MCAT: variants seen among roughly 807,000 people sequenced by gnomAD.
MCAT encodes malonyl-CoA-acyl carrier protein transacylase, also known as malonyl-CoA-acyl carrier protein transacylase, mitochondrial.
In MCAT, 22 loss-of-function variants were observed where a neutral mutation model predicts 22.9. That is an observed-to-expected ratio of 0.96 (90% CI 0.69 to 1.37). MCAT has a LOEUF of 1.37. Ranked by LOEUF, MCAT falls within the 40% of genes most tolerant of loss-of-function variation. The pLI is 0.00. For missense variants in MCAT, 534 were observed against 533.6 expected (o/e 1.00, Z -0.01); for synonymous variants, 240 against 233.9 (o/e 1.03, Z -0.24).
chr22:43,136,077 T>C lies in MCAT; in HGVS notation c.729+1004A>G, dbSNP rs142348197. ...GGGCAACACGGTGAAACCCCGTCTC[T>C]ACAAAAAAATACAAAAGTTAGCCAG... On this transcript the variant is annotated intron_variant, in intron 3 of 3. Transcript: ENST00000290429. 2.9e-3 allele frequency among the ~76,000 whole-genome samples: 437 copies of C among 152,126 alleles called. 6 individuals are homozygous for C. Among genetic ancestry groups the C allele is most frequent in the African/African-American group, 0.01 (422 of 41,498 alleles).
chr22:43,133,757 T>A (rs1273385109), intron 3 of MCAT, among the ~76,000 whole-genome samples: 1 of 152,020 alleles, frequency 6.6e-6, no homozygotes, highest in African/African-American at 2.4e-5. Flanking sequence ...CAACAGTGTC[T>A]GGTAGAGGAA....
chr22:43,134,266 G>T (rs1332559522), intron 3 of MCAT, among the ~76,000 whole-genome samples: 1 of 152,188 alleles, frequency 6.6e-6, no homozygotes, highest in Non-Finnish European at 1.5e-5. Flanking sequence ...CTCCCCTGAA[G>T]GCATTTGAGC....
intron 1 of MCAT, 72 bp from the exon 2 acceptor site, chr22:43,141,321 A>T: frequency 7.5e-7 from 1 of 1,329,430 alleles, no homozygotes; most frequent in Non-Finnish European, 1.1e-6. Flanking sequence ...TGTACCTGAG[A>T]GCTGGCGGGG....
At position 43,132,690 on chromosome 22, in the gene MCAT, A is replaced by T. The variant is rs1348717749; in HGVS notation, c.*353T>A. 2 of 243,094 alleles carry T rather than the reference A, an allele frequency of 8.2e-6. No homozygotes were observed. The highest frequency in any genetic ancestry group is 2.2e-5 in the African/African-American group (1 of 45,224). 15.1% of individuals were successfully genotyped at this position (243,094 alleles called of 1,614,324 possible). A position where few individuals can be genotyped will look rare whatever the true frequency, so the allele number is the denominator to read the frequency against. ...CCACACCAGCATGTTCTCAGCACTC[A>T]CAGAGCAGGACAGGCTGCAGCAGCC... On this transcript the variant is annotated 3_prime_UTR_variant, in exon 4 of 4. Transcript: ENST00000290429.
At position 43,137,113 on chromosome 22, in the gene MCAT, G is replaced by A. The variant is rs1930635455; in HGVS notation, c.697C>T (p.Pro233Ser). The A allele has an allele frequency of 2.5e-5, 41 of 1,614,060 alleles. No individual in the cohort carries two copies. Among genetic ancestry groups the A allele is most frequent in the Non-Finnish European group, 3.4e-5 (40 of 1,180,036 alleles). The part of the protein sequence containing the change: ...PVCEVSNYLF[P>S]DCRVISGHQE... Reference sequence around the variant, plus strand: ...TGTCCTGAAATCACCCTGCAATCTGGAAAGAGGTAGTTGGACACTTCACAT... The same window carrying A: ...TGTCCTGAAATCACCCTGCAATCTGAAAAGAGGTAGTTGGACACTTCACAT... Residue 233 changes from proline (P) to serine (S), a missense_variant, in exon 3 of 4, where the codon CCA becomes TCA. Transcript: ENST00000290429.
chr22:43,143,267 G>A lies in MCAT; in HGVS notation c.82C>T (p.Pro28Ser). 6.9e-7 allele frequency: 1 copy of A among 1,441,658 alleles called. No individual in the cohort carries two copies. Among genetic ancestry groups the A allele is most frequent in the Non-Finnish European group, 9.0e-7 (1 of 1,107,822 alleles). The allele number at this position is 1,441,658 out of a possible 1,614,324, so 89.3% of individuals were successfully genotyped here. ...GCTACACCCTGGGCGCCCGGCGGAG[G>A]CACCGGGAAGCTCGAGGCGCCGCGG... ...YRRGASSFPV[P>S]PPGAQGVAEL... is the part of the protein sequence containing the mutation. Residue 28 changes from proline (P) to serine (S), a missense_variant, in exon 1 of 4, where the codon CCT becomes TCT. Coordinates refer to ENST00000290429, the MANE Select transcript of MCAT (RefSeq NM_173467.5).
chr22:43,132,777 G>T lies in MCAT; in HGVS notation c.*266C>A. 1 of 484,266 alleles carries T rather than the reference G, an allele frequency of 2.1e-6. No homozygotes were observed. The highest frequency in any genetic ancestry group is 3.8e-6 in the Non-Finnish European group (1 of 266,270). The allele number at this position is 484,266 out of a possible 1,614,324, so 30.0% of individuals were successfully genotyped here. On this transcript the variant is annotated 3_prime_UTR_variant, in exon 4 of 4. Transcript: ENST00000290429. ...ATGGTGCAGGGCTGGCAGAGGCGGG[G>T]CCAGGATTCTAGCTTCCCCACACAC...
At chr22:43,141,365 C>T in intron 1 of MCAT, 116 bp from the exon 2 acceptor site, 1 of 800,574 alleles carries the variant, frequency 1.2e-6, no homozygotes, top group Non-Finnish European at 2.1e-6. Context: ...GTTCTACGAA[C>T]TTGGTGCACC....
rs1930837554 is a variant in MCAT, at chr22:43,143,272, G to C, written c.77C>G (p.Pro26Arg). The change falls in exon 1 of 4, where the codon CCG becomes CGG. Residue 26 changes from proline (P) to arginine (R), a missense_variant. Transcript: ENST00000290429. ...ACCCTGGGCGCCCGGCGGAGGCACC[G>C]GGAAGCTCGAGGCGCCGCGGCGGTA... ...ASYRRGASSFPVPPPGAQGVA... is the reference protein window; with the variant it reads ...ASYRRGASSFRVPPPGAQGVA... The C allele has an allele frequency of 2.1e-6, 3 of 1,440,532 alleles. No homozygotes were observed. The highest frequency in any genetic ancestry group is 1.5e-5 in the African/African-American group (1 of 66,750). The allele number at this position is 1,440,532 out of a possible 1,614,324, so 89.2% of individuals were successfully genotyped here.
At chr22:43,134,904 G>A (rs1930559279) in intron 3 of MCAT, among the ~76,000 whole-genome samples, 1 of 152,248 alleles carries the variant, frequency 6.6e-6, no homozygotes, top group Non-Finnish European at 1.5e-5. Context: ...CTGAGTGACT[G>A]GCAGGTATGG....
chr22:43,141,376 A>T, intron 1 of MCAT, 127 bp from the exon 2 acceptor site: 1 of 737,260 alleles, frequency 1.4e-6, no homozygotes, highest in South Asian at 1.5e-5. Context: ...TTGGTGCACC[A>T]GCTGGAAGAG....
intron 3 of MCAT, among the ~76,000 whole-genome samples, chr22:43,134,593 G>C (rs572232761): frequency 1.3e-5 from 2 of 152,310 alleles, no homozygotes; most frequent in South Asian, 4.1e-4. Flanking sequence ...ACCTGCTTTA[G>C]TCTGTCAGTG....
intron 2 of MCAT, among the ~76,000 whole-genome samples, chr22:43,139,542 A>G (rs187876979): frequency 1.8e-4 from 27 of 151,930 alleles, no homozygotes; most frequent in Non-Finnish European, 3.7e-4. Context: ...GAAAAAGAAA[A>G]AGAAAACACA....
At position 43,133,282 on chromosome 22, in the gene MCAT, T is replaced by G; in HGVS notation, c.934A>C (p.Ile312Leu). The G allele has an allele frequency of 6.2e-7, 1 of 1,614,220 alleles. No individual in the cohort carries two copies. The change falls in exon 4 of 4, where the codon ATC (isoleucine) becomes CTC (leucine). Residue 312 changes from isoleucine to leucine, a missense_variant. Coordinates refer to ENST00000290429, the MANE Select transcript of MCAT (RefSeq NM_173467.5). ...AGCTGCTGGGCCAGCAGCTTGTGGA[T>G]GTGCCCGGGATGCCTGTATCTATGC... Reference protein sequence around the residue: ...HAHRYRHPGHIHKLLAQQLVS... With the variant: ...HAHRYRHPGHLHKLLAQQLVS...
Position 43,133,207 on chromosome 22 carries a change from T to C in MCAT, c.1009A>G (p.Lys337Glu). 1.2e-6 allele frequency: 2 copies of C among 1,614,212 alleles called. No homozygotes were observed. The highest frequency in any genetic ancestry group is 2.2e-5 in the South Asian group (2 of 91,090). ...EQTMHAIYER[K>E]KGRGFPQTFE... ...GTTTGGGGGAACCCCCTGCCCTTTT[T>C]CCTTTCGTATATGGCATGCATCGTC... Residue 337 changes from lysine (K) to glutamate (E), a missense_variant, in exon 4 of 4, where the codon AAA (lysine) becomes GAA (glutamate). Coordinates refer to ENST00000290429, the MANE Select transcript of MCAT (RefSeq NM_173467.5).
chr22:43,143,103 G>C lies in MCAT; in HGVS notation c.246C>G (p.Leu82=). The stretch of plus-strand genomic sequence containing the variant: ...AGAGTTCGCGGACGCGCGGGTAGTT[G>C]AGCAGACCGCGGCCCATGCCCACCA... ...SQVVGMGRGL[L]NYPRVRELYA... Residue 82 remains leucine (L), a synonymous_variant, in exon 1 of 4, where the codon CTC becomes CTG. Coordinates refer to ENST00000290429, the MANE Select transcript of MCAT (RefSeq NM_173467.5). 11 of 1,604,858 alleles carry C rather than the reference G, an allele frequency of 6.9e-6. No individual in the cohort carries two copies. The highest frequency in any genetic ancestry group is 9.3e-6 in the Non-Finnish European group (11 of 1,178,708).
At chr22:43,140,346 GTGTA>G (rs1433406222) in intron 2 of MCAT, among the ~76,000 whole-genome samples, 1 of 151,926 alleles carries the variant, frequency 6.6e-6, no homozygotes, top group Admixed American at 6.6e-5. Context: ...AGCTAATTTT[GTGTA>G]TGTGTGTGTG....
intron 1 of MCAT, among the ~76,000 whole-genome samples, chr22:43,141,991 C>T (rs998776046): frequency 3.9e-5 from 6 of 152,230 alleles, no homozygotes; most frequent in African/African-American, 1.4e-4. Context: ...CAGACCCAGA[C>T]TAGGGTAAGC....
chr22:43,137,090 T>C lies in MCAT; in HGVS notation c.720A>G (p.Gly240=). The change falls in exon 3 of 4, where the codon GGA becomes GGG. Residue 240 remains glycine (G), a synonymous_variant. Coordinates refer to ENST00000290429, the MANE Select transcript of MCAT (RefSeq NM_173467.5). Reference sequence around the variant, plus strand: ...TCCCATCAACACCCACCTCTTGGTGTCCTGAAATCACCCTGCAATCTGGAA... The same window carrying C: ...TCCCATCAACACCCACCTCTTGGTGCCCTGAAATCACCCTGCAATCTGGAA... ...YLFPDCRVIS[G]HQEALRFLQK... 2 of 1,614,122 alleles carry C rather than the reference T, an allele frequency of 1.2e-6. No individual in the cohort carries two copies. Among genetic ancestry groups the C allele is most frequent in the Non-Finnish European group, 1.7e-6 (2 of 1,179,980 alleles).
Sources: gnomAD v4.1 joint callset for allele counts (sites outside exome capture counted in the v4.1 genomes callset) on GRCh38, gnomAD v4.1.1 for gene constraint, MANE v1.5 for transcripts, NCBI Gene and HGNC (gene_info 2026-07-23, HGNC 2026-07-21) for gene names.